The following ARB2A variants were observed in gnomAD, a reference collection of about 807,000 sequenced individuals.
ARB2A encodes the protein ARB2 cotranscriptional regulator A.
the ARB2A span, among the ~76,000 whole-genome samples, chr5:93,673,563 T>G: frequency 1.3e-5 from 2 of 152,218 alleles, no homozygotes; most frequent in Non-Finnish European, 2.9e-5. Context: ...GAATGTATTT[T>G]GCAGTAAATG....
the ARB2A span, among the ~76,000 whole-genome samples, chr5:93,833,227 C>T: frequency 1.3e-5 from 2 of 152,120 alleles, no homozygotes; most frequent in African/African-American, 4.8e-5. Context: ...AGGCATGCTA[C>T]AGGCATTCAA....
chr5:93,838,745 G>A, the ARB2A span, among the ~76,000 whole-genome samples: 552 of 151,948 alleles, frequency 3.6e-3, 1 homozygote, highest in Middle Eastern at 6.8e-3. Context: ...ATTCTCATTG[G>A]GGAGACCTTT....
At chr5:94,050,858 T>G in the ARB2A span, 1 of 1,452,968 alleles carries the variant, frequency 6.9e-7, no homozygotes, top group Non-Finnish European at 9.5e-7. Context: ...ACAATATTGC[T>G]ATACTTCAAA....
the ARB2A span, among the ~76,000 whole-genome samples, chr5:93,984,142 ATATAT>A: frequency 3.3e-5 from 5 of 152,288 alleles, no homozygotes; most frequent in South Asian, 8.3e-4. Flanking sequence ...ATATACACAA[ATATAT>A]TAGTAGTAAA....
chr5:93,661,932 G>A, the ARB2A span, among the ~76,000 whole-genome samples: 2 of 152,138 alleles, frequency 1.3e-5, no homozygotes, highest in African/African-American at 4.8e-5. Flanking sequence ...GTAAGGGGAA[G>A]AAGCTGGTCA....
the ARB2A span, among the ~76,000 whole-genome samples, chr5:94,002,443 G>C: frequency 6.6e-6 from 1 of 151,746 alleles, no homozygotes; most frequent in Non-Finnish European, 1.5e-5. Flanking sequence ...ATCGATTATA[G>C]TTCAGGTTTT....
the ARB2A span, among the ~76,000 whole-genome samples, chr5:93,945,257 C>T: frequency 4.6e-5 from 7 of 151,826 alleles, no homozygotes; most frequent in African/African-American, 1.7e-4. Context: ...AGCCTGGCCA[C>T]ACAAAAATTA....
At chr5:94,039,952 G>A in the ARB2A span, among the ~76,000 whole-genome samples, 1 of 152,118 alleles carries the variant, frequency 6.6e-6, no homozygotes, top group Non-Finnish European at 1.5e-5. Flanking sequence ...TTGGGTACCC[G>A]AGTAAAGGAT....
At chr5:93,773,800 T>G in the ARB2A span, among the ~76,000 whole-genome samples, 1 of 152,170 alleles carries the variant, frequency 6.6e-6, no homozygotes, top group African/African-American at 2.4e-5. Context: ...TGTTCTGTCT[T>G]CTAAGTTGGG....
chr5:93,961,450 G>C, the ARB2A span, among the ~76,000 whole-genome samples: 2 of 152,212 alleles, frequency 1.3e-5, no homozygotes, highest in East Asian at 3.9e-4. Flanking sequence ...TTAAAATGCT[G>C]CTCGATAAAG....
At chr5:94,040,503 CT>C in the ARB2A span, among the ~76,000 whole-genome samples, 1 of 146,802 alleles carries the variant, frequency 6.8e-6, no homozygotes, top group Non-Finnish European at 1.5e-5. Flanking sequence ...TCCCTCCCCC[CT>C]CCCCCAACCC....
At chr5:93,844,133 A>C in the ARB2A span, among the ~76,000 whole-genome samples, 46 of 147,722 alleles carry the variant, frequency 3.1e-4, no homozygotes, top group East Asian at 6.7e-3. Flanking sequence ...AAAAAAAAAC[A>C]AAAAAAAAAC....
chr5:94,093,871 A>G, the ARB2A span, among the ~76,000 whole-genome samples: 1 of 152,208 alleles, frequency 6.6e-6, no homozygotes, highest in African/African-American at 2.4e-5. Context: ...CCAAAATACA[A>G]CGGTGGGACA....
At chr5:93,902,086 A>G in the ARB2A span, among the ~76,000 whole-genome samples, 4 of 152,022 alleles carry the variant, frequency 2.6e-5, no homozygotes, top group African/African-American at 9.7e-5. Context: ...GATAAGATAT[A>G]TAAGAGTCAT....
the ARB2A span, among the ~76,000 whole-genome samples, chr5:93,871,610 T>G: frequency 2.0e-5 from 3 of 152,186 alleles, no homozygotes; most frequent in Non-Finnish European, 2.9e-5. Context: ...GAAGCAAGTA[T>G]AAGAATTCAG....
chr5:94,039,107 C>A, the ARB2A span, among the ~76,000 whole-genome samples: 1 of 152,114 alleles, frequency 6.6e-6, no homozygotes, highest in African/African-American at 2.4e-5. Context: ...AAAGGTTTAT[C>A]TGTTTTCTAG....
chr5:93,996,989 T>TA, the ARB2A span, among the ~76,000 whole-genome samples: 8 of 151,994 alleles, frequency 5.3e-5, no homozygotes, highest in Non-Finnish European at 1.5e-5. Flanking sequence ...GAATTAGGAA[T>TA]ATAGAATAGA....
At chr5:93,916,049 T>G in the ARB2A span, among the ~76,000 whole-genome samples, 29 of 152,148 alleles carry the variant, frequency 1.9e-4, no homozygotes, top group Non-Finnish European at 1.9e-4. Flanking sequence ...AGCTGAAGTA[T>G]GGGTGTTATC....
At chr5:94,094,938 G>C in the ARB2A span, among the ~76,000 whole-genome samples, 4 of 152,166 alleles carry the variant, frequency 2.6e-5, no homozygotes, top group Admixed American at 6.5e-5. Context: ...ACAGAGACTA[G>C]GAGGGTACCA....
Sources: gnomAD v4.1 joint callset for allele counts (sites outside exome capture counted in the v4.1 genomes callset) on GRCh38, gnomAD v4.1.1 for gene constraint, MANE v1.5 for transcripts, NCBI Gene and HGNC (gene_info 2026-07-23, HGNC 2026-07-21) for gene names.